Variants in ITIH5 observed in about 807,000 individuals in gnomAD.
The protein encoded by ITIH5 is inter-alpha-trypsin inhibitor heavy chain 5, also known as inter-alpha-trypsin inhibitor heavy chain H5.
A neutral mutation model predicts 77.5 loss-of-function variants in ITIH5; 65 were observed. The observed-to-expected ratio is 0.84, with a 90% CI of 0.69 to 1.03. The LOEUF (loss-of-function observed/expected upper bound fraction) is 1.03, where lower values mean the gene tolerates loss of function less well. Ranked by LOEUF, ITIH5 falls within the 50% of genes least tolerant of loss-of-function variation. The pLI is 0.00. For missense variants in ITIH5, 1,208 were observed against 1,213.1 expected (o/e 1.00, Z 0.06); for synonymous variants, 525 against 494.3 (o/e 1.06, Z -0.82).
intron 7 of ITIH5, among the ~76,000 whole-genome samples, chr10:7,597,339 T>C (rs1349281389): frequency 6.6e-6 from 1 of 152,086 alleles, no homozygotes; most frequent in Non-Finnish European, 1.5e-5. Context: ...TGGGTGGTAG[T>C]ATGGCCCCGT....
At chr10:7,634,731 C>T (rs529247373) in intron 5 of ITIH5, among the ~76,000 whole-genome samples, 1 of 152,100 alleles carries the variant, frequency 6.6e-6, no homozygotes, top group Non-Finnish European at 1.5e-5. Flanking sequence ...TTCATTACTG[C>T]AACAGGACTC....
chr10:7,644,886 ACATATATATAT>A lies in ITIH5; in HGVS notation c.136-2807_136-2797del, dbSNP rs1278951525. On this transcript the variant is annotated intron_variant, in intron 2 of 13. Coordinates refer to ENST00000397146, the MANE Select transcript of ITIH5 (RefSeq NM_030569.7). ...CACATATATATCACATATATATATC[ACATATATATAT>A]CACATATATATATCACATATATATA... Among the ~76,000 whole-genome samples, 268 of 100,360 alleles carry A rather than the reference ACATATATATAT, an allele frequency of 2.7e-3. 17 individuals are homozygous for A. The highest frequency in any genetic ancestry group is 8.7e-3 in the African/African-American group (244 of 28,010). 65.8% of individuals were successfully genotyped at this position (100,360 alleles called of 152,430 possible). A position where few individuals can be genotyped will look rare whatever the true frequency, so the allele number is the denominator to read the frequency against.
chr10:7,626,465 G>A (rs944331823), intron 5 of ITIH5, among the ~76,000 whole-genome samples: 1 of 152,158 alleles, frequency 6.6e-6, no homozygotes, highest in Non-Finnish European at 1.5e-5. Flanking sequence ...AACAATGCTG[G>A]AAACCTTCAC....
At chr10:7,629,359 C>CCA (rs1261245348) in intron 5 of ITIH5, among the ~76,000 whole-genome samples, 2 of 36,916 alleles carry the variant, frequency 5.4e-5, no homozygotes, top group African/African-American at 3.1e-4. Context: ...GCGTGTGTCC[C>CCA]TGTTGTAGCG....
At chr10:7,618,917 G>C (rs1178168543) in intron 5 of ITIH5, 1 of 152,232 alleles carries the variant, frequency 6.6e-6, no homozygotes, top group Non-Finnish European at 1.5e-5. Flanking sequence ...CCACAAGGTA[G>C]AACAGATTCT....
intron 5 of ITIH5, among the ~76,000 whole-genome samples, chr10:7,635,749 C>T (rs1293295359): frequency 6.6e-6 from 1 of 152,134 alleles, no homozygotes; most frequent in East Asian, 1.9e-4. Flanking sequence ...CCATAGACCA[C>T]CAGCTCTAGG....
chr10:7,666,915 C>T lies in ITIH5; in HGVS notation c.-23G>A, dbSNP rs779431096. The T allele has an allele frequency of 1.8e-5, 28 of 1,569,420 alleles. No homozygotes were observed. The highest frequency in any genetic ancestry group is 5.3e-5 in the Admixed American group (3 of 56,574). ...CATGGCGGGGCGAGGGCGCGGGACGCTCGGGGACCCGGCGGGACACGCTTT... is the reference window on the plus strand; with the variant it reads ...CATGGCGGGGCGAGGGCGCGGGACGTTCGGGGACCCGGCGGGACACGCTTT... On this transcript the variant is annotated 5_prime_UTR_variant, in exon 1 of 14. Transcript: ENST00000397146.
intron 7 of ITIH5, among the ~76,000 whole-genome samples, chr10:7,588,958 C>CA (rs1832737375): frequency 6.6e-6 from 1 of 152,254 alleles, no homozygotes; most frequent in East Asian, 1.9e-4. Flanking sequence ...ACTTCAGGGA[C>CA]AGCACGTGCA....
intron 5 of ITIH5, chr10:7,619,370 G>C: frequency 6.5e-6 from 1 of 152,748 alleles, no homozygotes. Flanking sequence ...ACTCGGCCTT[G>C]GTTATCTCAT....
At chr10:7,584,441 T>C (rs1221334371) in intron 8 of ITIH5, among the ~76,000 whole-genome samples, 4 of 151,882 alleles carry the variant, frequency 2.6e-5, no homozygotes, top group African/African-American at 9.7e-5. Flanking sequence ...GTAGCTGGGA[T>C]TACAGGCACC....
chr10:7,586,132 C>A, intron 7 of ITIH5, 63 bp from the exon 8 acceptor site: 5 of 1,415,024 alleles, frequency 3.5e-6, no homozygotes, highest in Non-Finnish European at 4.8e-6. Flanking sequence ...GTCCCCTGTT[C>A]TAGAAACCGC....
intron 2 of ITIH5, among the ~76,000 whole-genome samples, chr10:7,646,327 G>T (rs1054264337): frequency 2.6e-5 from 4 of 152,290 alleles, no homozygotes; most frequent in Non-Finnish European, 5.9e-5. Context: ...TTCTAATTAT[G>T]CTGAATATAA....
chr10:7,601,171 C>T (rs1026129878), intron 7 of ITIH5, among the ~76,000 whole-genome samples: 10 of 152,182 alleles, frequency 6.6e-5, no homozygotes, highest in Non-Finnish European at 1.5e-4. Context: ...CAACTGATGT[C>T]ATTTGGCAAA....
chr10:7,624,782 C>T, intron 5 of ITIH5, among the ~76,000 whole-genome samples: 1 of 21,322 alleles, frequency 4.7e-5, no homozygotes, highest in Non-Finnish European at 9.2e-5. Context: ...TGAGACTCTG[C>T]CTAAAAAAAA....
chr10:7,606,593 C>G (rs892228494), intron 7 of ITIH5, among the ~76,000 whole-genome samples: 2 of 152,126 alleles, frequency 1.3e-5, no homozygotes, highest in Admixed American at 6.6e-5. Flanking sequence ...ACACTGGGGC[C>G]TCTTGAGGGT....
intron 7 of ITIH5, among the ~76,000 whole-genome samples, chr10:7,591,021 C>T (rs542151576): frequency 1.8e-4 from 27 of 152,322 alleles, no homozygotes; most frequent in Non-Finnish European, 2.9e-4. Flanking sequence ...CTCAGCCTCC[C>T]GCGTAGCTGG....
In ITIH5 at chr10:7,655,635, C is replaced by T; in HGVS notation, c.131G>A (p.Arg44Lys). 3 of 1,611,862 alleles carry T rather than the reference C, an allele frequency of 1.9e-6. No individual in the cohort carries two copies. The highest frequency in any genetic ancestry group is 2.5e-6 in the Non-Finnish European group (3 of 1,178,008). Residue 44 changes from arginine (R) to lysine (K), a missense_variant, in exon 2 of 14, where the codon AGG (arginine) becomes AAG (lysine). By Grantham distance (26) the Arg-to-Lys change is conservative. Coordinates refer to ENST00000397146, the MANE Select transcript of ITIH5 (RefSeq NM_030569.7). Reference protein sequence around the residue: ...RVPRQVRLLQRLKTKPLMTEF... With the variant: ...RVPRQVRLLQKLKTKPLMTEF... ...ATGCACCATGAATATACCTACCAGC[C>T]TCTGCAACAGTCTGACTTGCCTCGG...
At chr10:7,586,129 G>C in intron 7 of ITIH5, 60 bp from the exon 8 acceptor site, 2 of 1,461,086 alleles carry the variant, frequency 1.4e-6, no homozygotes, top group Non-Finnish European at 1.8e-6. Flanking sequence ...CTTGTCCCCT[G>C]TTCTAGAAAC....
intron 7 of ITIH5, among the ~76,000 whole-genome samples, chr10:7,589,895 G>A (rs1198217114): frequency 1.3e-5 from 2 of 151,982 alleles, no homozygotes; most frequent in African/African-American, 4.8e-5. Context: ...GAGGGGATTG[G>A]TGCTCCCCTG....
Sources: allele counts gnomAD v4.1 joint callset (sites outside exome capture counted in the v4.1 genomes callset), GRCh38; gene constraint gnomAD v4.1.1; transcripts MANE v1.5; gene names NCBI Gene and HGNC (gene_info 2026-07-23, HGNC 2026-07-21).